Variants in ATOSB observed in about 807,000 individuals in gnomAD.
ATOSB encodes atos homolog protein B.
chr9:35,106,553 C>T, the ATOSB span: 4 of 1,576,444 alleles, frequency 2.5e-6, no homozygotes, highest in South Asian at 1.2e-5. The surrounding 1 kb of genome is among the most constrained non-coding windows in gnomAD (Gnocchi z 4.6). Context: ...AGTTGCCCAG[C>T]AGGGTACGGC....
At chr9:35,112,966 C>T in the ATOSB span, among the ~76,000 whole-genome samples, 19 of 152,128 alleles carry the variant, frequency 1.2e-4, no homozygotes, top group Admixed American at 1.0e-3. Flanking sequence ...TTCTCCTTAC[C>T]TCACCCTAGA....
chr9:35,105,351 C>A, the ATOSB span: 2 of 1,613,054 alleles, frequency 1.2e-6, no homozygotes, highest in Non-Finnish European at 1.7e-6. The surrounding 1 kb of genome is among the most constrained non-coding windows in gnomAD (Gnocchi z 5.5). Flanking sequence ...CAGGCTTAAG[C>A]GGCCTGAGCG....
chr9:35,110,361 C>T, the ATOSB span: 3 of 152,520 alleles, frequency 2.0e-5, no homozygotes, highest in African/African-American at 7.2e-5. Context: ...CCAGGTCATC[C>T]CAGTTGCCCT....
the ATOSB span, among the ~76,000 whole-genome samples, chr9:35,114,312 T>C: frequency 6.6e-6 from 1 of 152,170 alleles, no homozygotes; most frequent in Non-Finnish European, 1.5e-5. Context: ...CAGCTCCTCC[T>C]CAAAAGGCTT....
chr9:35,106,636 G>T, the ATOSB span: 3 of 1,551,574 alleles, frequency 1.9e-6, no homozygotes, highest in African/African-American at 4.1e-5. The surrounding 1 kb of genome is among the most constrained non-coding windows in gnomAD (Gnocchi z 4.6). Flanking sequence ...AGGCTTCGAA[G>T]GGGGCTCCTG....
the ATOSB span, chr9:35,105,396 AACGT>A: frequency 6.3e-7 from 1 of 1,594,034 alleles, no homozygotes; most frequent in East Asian, 2.2e-5. This position sits in a 1 kb window ranked among gnomAD's most constrained non-coding sequence, Gnocchi z 5.5. Flanking sequence ...CAATGTGATC[AACGT>A]AAGAATCCAG....
At chr9:35,107,242 G>A in the ATOSB span, 15 of 1,046,248 alleles carry the variant, frequency 1.4e-5, no homozygotes, top group African/African-American at 2.0e-4. Flanking sequence ...AGGATCCCTT[G>A]AGCCTGGGAG....
chr9:35,104,568 C>A, the ATOSB span: 6 of 361,454 alleles, frequency 1.7e-5, no homozygotes, highest in African/African-American at 8.8e-5. Flanking sequence ...ACATACCACA[C>A]AAAGACAAGC....
At chr9:35,107,762 C>G in the ATOSB span, 3 of 1,566,328 alleles carry the variant, frequency 1.9e-6, no homozygotes, top group East Asian at 2.2e-5. Context: ...GGGACTCCCC[C>G]AGGGACCCCT....
the ATOSB span, chr9:35,109,685 T>A: frequency 1.3e-5 from 2 of 152,158 alleles, no homozygotes; most frequent in Non-Finnish European, 1.5e-5. Flanking sequence ...CTTGGATAGG[T>A]CAAATGCCAT....
At chr9:35,108,164 G>A in the ATOSB span, 2 of 1,592,458 alleles carry the variant, frequency 1.3e-6, no homozygotes, top group Middle Eastern at 3.4e-4. Context: ...CCCCTGCTGG[G>A]CTGTAGCCCA....
At chr9:35,112,623 T>C in the ATOSB span, among the ~76,000 whole-genome samples, 99 of 152,278 alleles carry the variant, frequency 6.5e-4, no homozygotes, top group Non-Finnish European at 1.3e-3. Flanking sequence ...GAGGGTACTC[T>C]AGAGGTAAAC....
At chr9:35,104,123 C>A in the ATOSB span, 1 of 152,612 alleles carries the variant, frequency 6.6e-6, no homozygotes, top group Non-Finnish European at 1.5e-5. Context: ...GAGCTTAGTT[C>A]AAGTTTCCAA....
At chr9:35,106,770 A>T in the ATOSB span, 1 of 1,534,554 alleles carries the variant, frequency 6.5e-7, no homozygotes, top group Non-Finnish European at 8.8e-7. The surrounding 1 kb of genome is among the most constrained non-coding windows in gnomAD (Gnocchi z 4.6). Context: ...CGGATGCTGG[A>T]AAGAGTACAG....
the ATOSB span, chr9:35,107,567 G>T: frequency 1.4e-5 from 22 of 1,591,918 alleles, 1 homozygote; most frequent in East Asian, 4.9e-4. Context: ...TGGGGCAGGG[G>T]CCTGGGGGTC....
chr9:35,107,835 G>T, the ATOSB span: 1 of 1,595,210 alleles, frequency 6.3e-7, no homozygotes, highest in East Asian at 2.2e-5. Flanking sequence ...AGCATTTGAT[G>T]GGGGGCAGGG....
the ATOSB span, chr9:35,107,488 G>A: frequency 2.4e-5 from 38 of 1,608,748 alleles, no homozygotes; most frequent in East Asian, 4.5e-4. Context: ...CGGCGCCTCC[G>A]AGGGGCTGGC....
chr9:35,107,757 T>G, the ATOSB span: 1 of 1,566,826 alleles, frequency 6.4e-7, no homozygotes, highest in Non-Finnish European at 8.6e-7. Flanking sequence ...CCCTGGGGAC[T>G]CCCCCAGGGA....
the ATOSB span, chr9:35,105,309 C>T: frequency 6.2e-6 from 10 of 1,613,902 alleles, no homozygotes; most frequent in East Asian, 6.7e-5. The surrounding 1 kb of genome is among the most constrained non-coding windows in gnomAD (Gnocchi z 5.5). Flanking sequence ...CTCCAGGCTC[C>T]GGCGGGAAAA....
Sources: gnomAD v4.1 joint callset for allele counts (sites outside exome capture counted in the v4.1 genomes callset) on GRCh38, gnomAD v4.1.1 for gene constraint, Gnocchi (gnomAD v3.1) non-coding constraint, MANE v1.5 for transcripts, NCBI Gene and HGNC (gene_info 2026-07-23, HGNC 2026-07-21) for gene names.